SMOX: variants seen among roughly 807,000 people sequenced by gnomAD.
SMOX encodes the protein flavin containing amine oxidase.
Under a neutral mutation model 51.0 loss-of-function variants are expected in SMOX, and 22 were observed. The ratio of observed to expected loss-of-function variants is 0.43; its 90% CI spans 0.31 to 0.62. SMOX has a LOEUF of 0.62. SMOX is among the 20% of genes least tolerant of loss of function. The pLI, the probability that SMOX is intolerant of heterozygous loss-of-function variation, is 0.10. For synonymous variants in SMOX, 282 were observed against 307.8 expected (o/e 0.92, Z 0.88); for missense variants, 566 against 777.7 (o/e 0.73, Z 3.24).
In SMOX at chr20:4,187,267, C is replaced by A. The variant is rs1012965544; in HGVS notation, c.1531-3C>A. 2 of 1,612,368 alleles carry A rather than the reference C, an allele frequency of 1.2e-6. No homozygotes were observed. The highest frequency in any genetic ancestry group is 1.7e-6 in the Non-Finnish European group (2 of 1,178,956). On this transcript the variant is annotated splice_region_variant and splice_polypyrimidine_tract_variant and intron_variant, in intron 6 of 6. Coordinates refer to ENST00000305958, the MANE Select transcript of SMOX (RefSeq NM_175839.3). The surrounding 1 kb of genome is among the most constrained non-coding windows in gnomAD (Gnocchi z 4.8). ...CCCTGACCTCCCCATCCCCGCCCCG[C>A]AGCCCATGCAGGTGCTGTTTTCCGG...
chr20:4,171,116 C>G (rs1986808274), intron 1 of SMOX, among the ~76,000 whole-genome samples: 1 of 152,234 alleles, frequency 6.6e-6, no homozygotes, highest in African/African-American at 2.4e-5. Context: ...TCTCCTTTAT[C>G]TGCTCAGAAA....
intron 3 of SMOX, among the ~76,000 whole-genome samples, chr20:4,178,495 A>T (rs1363199701): frequency 6.6e-6 from 1 of 152,098 alleles, no homozygotes; most frequent in Admixed American, 6.6e-5. Flanking sequence ...TGTTTTATTC[A>T]GATTTTTAAA....
chr20:4,157,970 G>A (rs930928455), intron 1 of SMOX, among the ~76,000 whole-genome samples: 7 of 151,902 alleles, frequency 4.6e-5, no homozygotes, highest in African/African-American at 7.3e-5. Context: ...GCGCGATCTC[G>A]GCTCACTGCA....
At chr20:4,180,153 A>C (rs141931950) in intron 3 of SMOX, among the ~76,000 whole-genome samples, 2 of 152,256 alleles carry the variant, frequency 1.3e-5, no homozygotes, top group East Asian at 3.9e-4. Flanking sequence ...TTTGCTGAGG[A>C]CTCCAGCTAA....
At chr20:4,171,276 TAAAAC>T (rs758005105) in intron 1 of SMOX, among the ~76,000 whole-genome samples, 2 of 152,140 alleles carry the variant, frequency 1.3e-5, no homozygotes, top group East Asian at 1.9e-4. Flanking sequence ...TCTCATACAT[TAAAAC>T]AAAACAAAAC....
intron 1 of SMOX, among the ~76,000 whole-genome samples, chr20:4,152,249 G>T (rs1985800011): frequency 6.6e-6 from 1 of 152,146 alleles, no homozygotes; most frequent in African/African-American, 2.4e-5. Flanking sequence ...ATGTTGGGTG[G>T]GAGGGAGATT....
intron 1 of SMOX, among the ~76,000 whole-genome samples, chr20:4,164,235 G>A (rs2122448691): frequency 6.6e-6 from 1 of 152,272 alleles, no homozygotes; most frequent in South Asian, 2.1e-4. Flanking sequence ...TCTGTCTACT[G>A]GCTGGGCTTC....
Position 4,182,631 on chromosome 20 carries a change from A to C in SMOX, c.1152A>C (p.Leu384=). The part of the protein sequence containing the change: ...EPFWGPECNS[L]QFVWEDEAES... The stretch of plus-strand genomic sequence containing the variant: ...TCTGGGGCCCTGAGTGCAACAGCCT[A>C]CAGTTTGTGTGGGAGGACGAAGCAG... The change falls in exon 5 of 7, where the codon CTA becomes CTC. Residue 384 remains leucine, a synonymous_variant. Transcript: ENST00000305958. The surrounding 1 kb of genome is among the most constrained non-coding windows in gnomAD (Gnocchi z 8.4). 1 of 1,613,906 alleles carries C rather than the reference A, an allele frequency of 6.2e-7. No homozygotes were observed. Among genetic ancestry groups the C allele is most frequent in the Non-Finnish European group, 8.5e-7 (1 of 1,179,970 alleles).
Position 4,175,385 on chromosome 20 carries a change from C to G in SMOX, c.208+122C>G, listed in dbSNP as rs578217630. ...GATAAATGTTCCATCATGCATCCTGCCTGGGCATTTTCCAGAAGCTTCCTT... is the reference window on the plus strand; with the variant it reads ...GATAAATGTTCCATCATGCATCCTGGCTGGGCATTTTCCAGAAGCTTCCTT... On this transcript the variant is annotated intron_variant, in intron 2 of 6. Coordinates refer to ENST00000305958, the MANE Select transcript of SMOX (RefSeq NM_175839.3). The G allele has an allele frequency of 8.4e-5, 100 of 1,189,580 alleles. No individual in the cohort carries two copies. In the South Asian group the frequency reaches 1.0e-3, roughly 12 times the overall value. The allele number at this position is 1,189,580 out of a possible 1,614,324, so 73.7% of individuals were successfully genotyped here.
At chr20:4,159,786 C>G (rs968575413) in intron 1 of SMOX, among the ~76,000 whole-genome samples, 4 of 152,208 alleles carry the variant, frequency 2.6e-5, no homozygotes, top group African/African-American at 7.2e-5. Context: ...AAATCATGGG[C>G]GCATGGCCCC....
At chr20:4,179,574 A>C (rs957894563) in intron 3 of SMOX, among the ~76,000 whole-genome samples, 2 of 152,244 alleles carry the variant, frequency 1.3e-5, no homozygotes, top group African/African-American at 4.8e-5. Context: ...GATGACGTTG[A>C]AGAGCCACTC....
At chr20:4,159,494 G>A (rs1165097483) in intron 1 of SMOX, among the ~76,000 whole-genome samples, 1 of 152,184 alleles carries the variant, frequency 6.6e-6, no homozygotes, top group Non-Finnish European at 1.5e-5. Context: ...CTGATAGCAG[G>A]CTGTGGAACC....
rs1335887024 is a variant in SMOX at position 4,170,444 on chromosome 20, G to A, written c.-26-4586G>A. Among the ~76,000 whole-genome samples the A allele has an allele frequency of 3.3e-5, 5 of 152,244 alleles. No homozygotes were observed. The East Asian group carries it at 9.6e-4, about 29-fold the overall frequency. ...TCTCTCTAGTATTTGGCCATTAGAA[G>A]GTACTTGCTGGAGTGTAAATTTCTT... On this transcript the variant is annotated intron_variant, in intron 1 of 6. Transcript: ENST00000305958. The surrounding 1 kb of genome is among the most constrained non-coding windows in gnomAD (Gnocchi z 4.6).
chr20:4,165,241 A>G (rs935036261), intron 1 of SMOX, among the ~76,000 whole-genome samples: 15 of 151,858 alleles, frequency 9.9e-5, no homozygotes, highest in Non-Finnish European at 1.8e-4. Context: ...TTTTTAGTAG[A>G]GACGGGTTTT....
rs1985646486 is a variant in SMOX, at chr20:4,149,869, G to A, written c.-27+892G>A. Reference sequence around the variant, plus strand: ...TGGCCGTGATTGGAGCCAGCAGTAGGTGCCCTGGGGTTACCGGGAGCGACG... The same window carrying A: ...TGGCCGTGATTGGAGCCAGCAGTAGATGCCCTGGGGTTACCGGGAGCGACG... On this transcript the variant is annotated intron_variant, in intron 1 of 6. Transcript: ENST00000305958. The surrounding 1 kb of genome is among the most constrained non-coding windows in gnomAD (Gnocchi z 6.0). 6.6e-6 allele frequency among the ~76,000 whole-genome samples: 1 copy of A among 152,164 alleles called. No homozygotes were observed. The highest frequency in any genetic ancestry group is 2.4e-5 in the African/African-American group (1 of 41,450).
In SMOX at chr20:4,149,036, G is replaced by T. The variant is rs1985585503; in HGVS notation, c.-27+59G>T. 6.7e-6 allele frequency: 1 copy of T among 150,000 alleles called. No homozygotes were observed. The allele number at this position is 150,000 out of a possible 1,614,324, so 9.3% of individuals were successfully genotyped here. ...GGCTCTCAGCCTCCCCCGGGCGCAGGCAGGGGCTGCGGCCGCCGCGAGAGG... is the reference window on the plus strand; with the variant it reads ...GGCTCTCAGCCTCCCCCGGGCGCAGTCAGGGGCTGCGGCCGCCGCGAGAGG... On this transcript the variant is annotated intron_variant, in intron 1 of 6. Coordinates refer to ENST00000305958, the MANE Select transcript of SMOX (RefSeq NM_175839.3). This position sits in a 1 kb window ranked among gnomAD's most constrained non-coding sequence, Gnocchi z 6.0.
intron 1 of SMOX, among the ~76,000 whole-genome samples, chr20:4,163,977 T>C (rs187896172): frequency 6.6e-6 from 1 of 152,138 alleles, no homozygotes; most frequent in East Asian, 1.9e-4. Flanking sequence ...TCCCAGGAGG[T>C]AGGGATCATT....
intron 1 of SMOX, among the ~76,000 whole-genome samples, chr20:4,163,945 G>A (rs1318966123): frequency 6.6e-6 from 1 of 152,184 alleles, no homozygotes; most frequent in Non-Finnish European, 1.5e-5. Flanking sequence ...CAGCTTGGGA[G>A]AGAACTACAC....
intron 6 of SMOX, among the ~76,000 whole-genome samples, chr20:4,184,567 T>C (rs1979595486): frequency 6.8e-6 from 1 of 146,212 alleles, no homozygotes; most frequent in Non-Finnish European, 1.5e-5. Context: ...CCCCATCAAG[T>C]AGACACACAC....
Sources: allele counts gnomAD v4.1 joint callset (sites outside exome capture counted in the v4.1 genomes callset), GRCh38; gene constraint gnomAD v4.1.1; non-coding constraint Gnocchi (gnomAD v3.1); transcripts MANE v1.5; gene names NCBI Gene and HGNC (gene_info 2026-07-23, HGNC 2026-07-21).